Variants in ZNF618 observed in about 807,000 individuals in gnomAD.
ZNF618 encodes the protein neural precursor cell expressed, developmentally down-regulated 10.
A neutral mutation model predicts 103.0 loss-of-function variants in ZNF618; 34 were observed. The observed-to-expected ratio is 0.33, with a 90% CI of 0.25 to 0.44. ZNF618 has a LOEUF of 0.44. ZNF618 is among the 20% of genes least tolerant of loss of function. The pLI, the probability that ZNF618 is intolerant of heterozygous loss-of-function variation, is 1.00. For synonymous variants in ZNF618, 551 were observed against 542.2 expected (o/e 1.02, Z -0.23); for missense variants, 1,059 against 1,295.4 (o/e 0.82, Z 2.80).
At chr9:113,983,193 A>T (rs932921325) in intron 2 of ZNF618, among the ~76,000 whole-genome samples, 2 of 152,206 alleles carry the variant, frequency 1.3e-5, no homozygotes, top group Non-Finnish European at 2.9e-5. Flanking sequence ...ATTTAAATGG[A>T]TATAATTAAA....
chr9:114,049,242 T>C lies in ZNF618; in HGVS notation c.1940T>C (p.Val647Ala). Residue 647 changes from valine to alanine, a missense_variant, in exon 15 of 15, where the codon GTG (valine) becomes GCG (alanine). Physicochemically the swap from Val to Ala is moderately conservative, Grantham distance 64. Transcript: ENST00000374126. ...ACALNSVVQS[V>A]LSKRTLQARS... ...GCCTTGAACTCGGTGGTGCAGAGCGTGCTGAGCAAGCGGACACTGCAGGCC... is the reference window on the plus strand; with the variant it reads ...GCCTTGAACTCGGTGGTGCAGAGCGCGCTGAGCAAGCGGACACTGCAGGCC... The C allele has an allele frequency of 1.2e-6, 2 of 1,613,140 alleles. No individual in the cohort carries two copies. The highest frequency in any genetic ancestry group is 1.7e-6 in the Non-Finnish European group (2 of 1,179,690).
intron 1 of ZNF618, among the ~76,000 whole-genome samples, chr9:113,930,187 C>T (rs569923148): frequency 6.6e-6 from 1 of 152,276 alleles, no homozygotes; most frequent in East Asian, 1.9e-4. Flanking sequence ...TCTGGAATTT[C>T]CCCCAAGTTT....
intron 14 of ZNF618, 115 bp from the exon 15 acceptor site, chr9:114,048,536 A>G: frequency 1.8e-6 from 2 of 1,130,506 alleles, no homozygotes; most frequent in East Asian, 4.9e-5. Context: ...TGTGTGTGCA[A>G]GAGGAAATAT....
intron 2 of ZNF618, among the ~76,000 whole-genome samples, chr9:113,984,403 C>T (rs1184356142): frequency 2.6e-5 from 4 of 152,210 alleles, no homozygotes; most frequent in Non-Finnish European, 5.9e-5. Context: ...CTGCAGCTAG[C>T]AAGAGTCATG....
At chr9:113,935,773 G>A (rs1394622986) in intron 1 of ZNF618, among the ~76,000 whole-genome samples, 2 of 152,138 alleles carry the variant, frequency 1.3e-5, no homozygotes, top group African/African-American at 2.4e-5. Flanking sequence ...ACCCTGCCCT[G>A]TGCTGTGTAC....
At chr9:114,019,106 C>A (rs576239461) in intron 10 of ZNF618, among the ~76,000 whole-genome samples, 100 of 152,280 alleles carry the variant, frequency 6.6e-4, no homozygotes, top group African/African-American at 2.4e-3. Flanking sequence ...AATCTATATT[C>A]TTTTATGTCT....
chr9:114,002,336 C>T (rs937361876), intron 5 of ZNF618, among the ~76,000 whole-genome samples: 3 of 152,226 alleles, frequency 2.0e-5, no homozygotes, highest in African/African-American at 7.2e-5. Flanking sequence ...CCACTGGCCT[C>T]ACGCCTCCCA....
chr9:114,047,819 C>A, intron 13 of ZNF618, 74 bp from the exon 14 acceptor site: 1 of 1,323,632 alleles, frequency 7.6e-7, no homozygotes, highest in Non-Finnish European at 1.1e-6. Context: ...ACCCACCACA[C>A]TCTAGTTCTC....
intron 9 of ZNF618, among the ~76,000 whole-genome samples, chr9:114,013,213 G>A (rs1842397592): frequency 6.6e-6 from 1 of 151,988 alleles, no homozygotes; most frequent in South Asian, 2.1e-4. Context: ...TTTTTTTTCT[G>A]TGTACCCATC....
intron 2 of ZNF618, among the ~76,000 whole-genome samples, chr9:113,982,634 T>G (rs1363802414): frequency 3.9e-5 from 6 of 152,170 alleles, no homozygotes; most frequent in Non-Finnish European, 4.4e-5. Flanking sequence ...GGGCTACCGC[T>G]CACCCCACCA....
chr9:113,938,165 G>GTTTTTTTTTTTTTTTTTT (rs770850585), intron 1 of ZNF618, among the ~76,000 whole-genome samples: 1 of 95,526 alleles, frequency 1.0e-5, no homozygotes, highest in Non-Finnish European at 2.0e-5. Flanking sequence ...TCAGGCTCCT[G>GTTTTTTTTTTTTTTTTTT]TTTTTTTTTT....
At chr9:113,926,150 TTG>T (rs1564178652) in intron 1 of ZNF618, among the ~76,000 whole-genome samples, 4 of 148,504 alleles carry the variant, frequency 2.7e-5, no homozygotes, top group Middle Eastern at 3.4e-3. Context: ...TAGGTTGGTG[TTG>T]TTTTTTTTTT....
intron 3 of ZNF618, among the ~76,000 whole-genome samples, chr9:113,991,557 T>G (rs533393964): frequency 4.6e-5 from 7 of 152,362 alleles, no homozygotes; most frequent in Non-Finnish European, 1.0e-4. Flanking sequence ...ACTACTAATA[T>G]TAACAGTATA....
intron 1 of ZNF618, 69 bp from the exon 2 acceptor site, chr9:113,969,048 G>A: frequency 6.4e-7 from 1 of 1,566,706 alleles, no homozygotes; most frequent in Middle Eastern, 1.7e-4. Context: ...GGAGCTTGAT[G>A]GGGTGGCAGC....
At chr9:113,948,804 A>G (rs1201879967) in intron 1 of ZNF618, among the ~76,000 whole-genome samples, 4 of 152,214 alleles carry the variant, frequency 2.6e-5, no homozygotes, top group African/African-American at 9.6e-5. Flanking sequence ...TGGTAATAAC[A>G]GGAAGAAAGC....
intron 1 of ZNF618, among the ~76,000 whole-genome samples, chr9:113,968,455 C>T (rs1837634404): frequency 6.6e-6 from 1 of 152,068 alleles, no homozygotes; most frequent in Admixed American, 6.5e-5. Flanking sequence ...GGTCTGCAAC[C>T]TCTGTCAGCC....
At chr9:114,046,821 A>G (rs993541623) in intron 13 of ZNF618, among the ~76,000 whole-genome samples, 12 of 152,280 alleles carry the variant, frequency 7.9e-5, no homozygotes, top group South Asian at 6.2e-4. Context: ...CTTTTACTCT[A>G]TTAGCGTGGT....
chr9:113,989,448 G>A (rs1030894993), intron 3 of ZNF618, among the ~76,000 whole-genome samples: 2 of 152,220 alleles, frequency 1.3e-5, no homozygotes, highest in African/African-American at 4.8e-5. Flanking sequence ...CATGTCTGTG[G>A]GTCAGAGTCC....
At position 113,992,625 on chromosome 9, in the gene ZNF618, G is replaced by A. The variant is rs561207220; in HGVS notation, c.337+4045G>A. ...CCAGCCTCGCTCCGGGCTCAGAGAC[G>A]GGCTCTGTTGCTGAGTAGAAGAGTG... On this transcript the variant is annotated intron_variant, in intron 3 of 14. Transcript: ENST00000374126. 3.3e-5 allele frequency among the ~76,000 whole-genome samples: 5 copies of A among 152,144 alleles called. No homozygotes were observed. The East Asian group carries it at 7.7e-4, about 23-fold the overall frequency.
Sources: allele counts gnomAD v4.1 joint callset (sites outside exome capture counted in the v4.1 genomes callset), GRCh38; gene constraint gnomAD v4.1.1; transcripts MANE v1.5; gene names NCBI Gene and HGNC (gene_info 2026-07-23, HGNC 2026-07-21).